PRDM8: variants seen among roughly 807,000 people sequenced by gnomAD.
PRDM8 encodes the protein PR/SET domain 8, also known as PR domain zinc finger protein 8.
PRDM8 carries 13 observed loss-of-function variants against 46.5 expected under a neutral mutation model. The observed-to-expected ratio is 0.28, with a 90% CI of 0.18 to 0.44. The LOEUF (loss-of-function observed/expected upper bound fraction) is 0.44, where lower values mean the gene tolerates loss of function less well. Ranked by LOEUF, PRDM8 falls within the 20% of genes least tolerant of loss-of-function variation. The pLI, the probability that PRDM8 is intolerant of heterozygous loss-of-function variation, is 1.00. For missense variants in PRDM8, 998 were observed against 955.0 expected, an observed-to-expected ratio of 1.04 and a Z score of -0.59; for synonymous variants, 473 against 438.4, an observed-to-expected ratio of 1.08 and a Z score of -0.98.
At chr4:80,199,718 T>TGTGTGC (rs1268820649) in intron 1 of PRDM8, among the ~76,000 whole-genome samples, 3 of 136,076 alleles carry the variant, frequency 2.2e-5, no homozygotes, top group African/African-American at 8.4e-5. Context: ...TATGTGTGTG[T>TGTGTGC]GTGTGTGTGT....
chr4:80,202,836 C>T lies in PRDM8; in HGVS notation c.1374C>T (p.Ser458=). Reference sequence around the variant, plus strand: ...AGGGCGGCAGTCCTGCGAGGGGCAGCGCCTTCACTTCGGTGCCGCAGCTGG... The same window carrying T: ...AGGGCGGCAGTCCTGCGAGGGGCAGTGCCTTCACTTCGGTGCCGCAGCTGG... ...RLEGGSPARG[S]AFTSVPQLGS... Residue 458 remains serine, a synonymous_variant, in exon 4 of 4, where the codon AGC becomes AGT. Transcript: ENST00000415738. 1 of 1,229,368 alleles carries T rather than the reference C, an allele frequency of 8.1e-7. No homozygotes were observed. The highest frequency in any genetic ancestry group is 1.0e-6 in the Non-Finnish European group (1 of 989,990). 76.2% of individuals were successfully genotyped at this position (1,229,368 alleles called of 1,614,324 possible).
chr4:80,187,233 A>T (rs927927733), intron 1 of PRDM8, among the ~76,000 whole-genome samples: 1 of 112,740 alleles, frequency 8.9e-6, no homozygotes, highest in African/African-American at 4.2e-5. Context: ...CTGTATCAGC[A>T]TTCTCTGCCC....
In PRDM8 at chr4:80,197,725, T is replaced by C; in HGVS notation, c.-41T>C. 1.0e-6 allele frequency: 1 copy of C among 982,664 alleles called. No individual in the cohort carries two copies. The highest frequency in any genetic ancestry group is 1.1e-4 in the East Asian group (1 of 8,806). The allele number at this position is 982,664 out of a possible 1,614,324, so 60.9% of individuals were successfully genotyped here. A position where few individuals can be genotyped will look rare whatever the true frequency, so the allele number is the denominator to read the frequency against. On this transcript the variant is annotated 5_prime_UTR_variant, in exon 1 of 4. Transcript: ENST00000415738. ...TCGATTGCATCTTCCCGGTTCCAGGTGGCCTTATTTGGGAGATTCTATACT... is the reference window on the plus strand; with the variant it reads ...TCGATTGCATCTTCCCGGTTCCAGGCGGCCTTATTTGGGAGATTCTATACT...
intron 2 of PRDM8, 41 bp from the exon 3 acceptor site, chr4:80,201,249 C>T (rs1424397458): frequency 6.4e-7 from 1 of 1,564,110 alleles, no homozygotes; most frequent in Non-Finnish European, 8.8e-7. Context: ...GTCCCTCTCC[C>T]CCTCTCCTTC....
Position 80,203,202 on chromosome 4 carries a change from C to A in PRDM8, c.1740C>A (p.Ala580=), listed in dbSNP as rs945031664. ...AGAGCCCCTTCCTGTACGCCACCGC[C>A]TTCTGGCCCAAGAGCTCCGCTGCCG... ...PKQSPFLYAT[A]FWPKSSAAAA... is the part of the protein sequence containing the mutation. Residue 580 remains alanine (A), a synonymous_variant, in exon 4 of 4, where the codon GCC becomes GCA. Coordinates refer to ENST00000415738, the MANE Select transcript of PRDM8 (RefSeq NM_001099403.2). 2 of 1,551,904 alleles carry A rather than the reference C, an allele frequency of 1.3e-6. No individual in the cohort carries two copies. The highest frequency in any genetic ancestry group is 1.7e-6 in the Non-Finnish European group (2 of 1,150,964).
chr4:80,199,884 T>G (rs1245350285), intron 1 of PRDM8, among the ~76,000 whole-genome samples, 195 bp from the exon 2 acceptor site: 1 of 152,142 alleles, frequency 6.6e-6, no homozygotes, highest in Non-Finnish European at 1.5e-5. Flanking sequence ...CTATTCTAAT[T>G]ATTTTAACAA....
chr4:80,196,618 T>C (rs1454330986), upstream of PRDM8: 1 of 985,114 alleles, frequency 1.0e-6, no homozygotes, highest in East Asian at 1.1e-4. Flanking sequence ...ATTTTTATTT[T>C]TAATCACCCT....
At position 80,201,945 on chromosome 4, in the gene PRDM8, C is replaced by A; in HGVS notation, c.483C>A (p.Ser161Arg). ...GSSPYTCLEC[S>R]QRFQFEFPYV... ...CCCCTTACACATGCCTGGAATGCAG[C>A]CAACGTTTCCAGTTTGAGTTCCCCT... The change falls in exon 4 of 4, where the codon AGC becomes AGA. Residue 161 changes from serine to arginine, a missense_variant. Transcript: ENST00000415738. 1 of 1,614,000 alleles carries A rather than the reference C, an allele frequency of 6.2e-7. No homozygotes were observed. Among genetic ancestry groups the A allele is most frequent in the Non-Finnish European group, 8.5e-7 (1 of 1,180,002 alleles).
At chr4:80,197,126 A>G, upstream of PRDM8, 1 of 985,398 alleles carries the variant, frequency 1.0e-6, no homozygotes, top group Non-Finnish European at 1.2e-6. Flanking sequence ...GGAAATACGC[A>G]CGGGGTCCGC....
intron 1 of PRDM8, among the ~76,000 whole-genome samples, chr4:80,198,236 C>T (rs1014386726): frequency 2.0e-5 from 3 of 152,212 alleles, no homozygotes; most frequent in Non-Finnish European, 2.9e-5. Context: ...ATTAGCGCGG[C>T]GTAGTGAGGA....
At chr4:80,192,875 A>T (rs190932720), upstream of PRDM8, among the ~76,000 whole-genome samples, 1 of 152,312 alleles carries the variant, frequency 6.6e-6, no homozygotes, top group Non-Finnish European at 1.5e-5. Context: ...CTCAGAGGCC[A>T]TTAAGCCAGT....
At position 80,198,980 on chromosome 4, in the gene PRDM8, GTTTTTTTTTTTTTGTTTTT is replaced by G. The variant is rs1191419324; in HGVS notation, c.-2-1085_-2-1067del. Among the ~76,000 whole-genome samples the G allele has an allele frequency of 7.7e-5, 8 of 104,226 alleles. No homozygotes were observed. The East Asian group carries it at 1.4e-3, about 18-fold the overall frequency. 68.4% of individuals were successfully genotyped at this position (104,226 alleles called of 152,430 possible). ...AATTTAAATACCTGGGTTTTTTTGG[GTTTTTTTTTTTTTGTTTTT>G]TTTTTTTTTTTTTTTTTTTAGTGAT... is the stretch of plus-strand genomic sequence containing the variant. On this transcript the variant is annotated intron_variant, in intron 1 of 3. Coordinates refer to ENST00000415738, the MANE Select transcript of PRDM8 (RefSeq NM_001099403.2).
intron 1 of PRDM8, among the ~76,000 whole-genome samples, chr4:80,190,326 C>G (rs1220384935): frequency 6.6e-6 from 1 of 152,214 alleles, no homozygotes; most frequent in African/African-American, 2.4e-5. Flanking sequence ...GTGGCGGGCC[C>G]TTGGGAACTG....
upstream of PRDM8, chr4:80,196,256 G>A (rs1009938561): frequency 2.1e-6 from 2 of 956,330 alleles, no homozygotes; most frequent in Middle Eastern, 5.4e-4. Flanking sequence ...TTATCCTAAT[G>A]CTGACAGATT....
rs1578265721 is a variant in PRDM8, at chr4:80,202,854, G to T, written c.1392G>T (p.Pro464=). 13 of 1,233,186 alleles carry T rather than the reference G, an allele frequency of 1.1e-5. No homozygotes were observed. In the East Asian group the frequency reaches 4.4e-4, roughly 42 times the overall value. 76.4% of individuals were successfully genotyped at this position (1,233,186 alleles called of 1,614,324 possible). ...GGGGCAGCGCCTTCACTTCGGTGCCGCAGCTGGGCAGCGCGGGCAGCACCA... is the reference window on the plus strand; with the variant it reads ...GGGGCAGCGCCTTCACTTCGGTGCCTCAGCTGGGCAGCGCGGGCAGCACCA... ...PARGSAFTSV[P]QLGSAGSTSG... is the part of the protein sequence containing the mutation. Residue 464 remains proline (P), a synonymous_variant, in exon 4 of 4, where the codon CCG becomes CCT. Transcript: ENST00000415738.
At chr4:80,197,298 G>C (rs1234584233), upstream of PRDM8, 1 of 973,652 alleles carries the variant, frequency 1.0e-6, no homozygotes, top group Non-Finnish European at 1.2e-6. Context: ...GGCGGGCCGG[G>C]ACGCTCTCTG....
upstream of PRDM8, chr4:80,197,349 G>A (rs1418191649): frequency 5.2e-6 from 5 of 962,146 alleles, no homozygotes; most frequent in Non-Finnish European, 6.2e-6. Context: ...GGATCTGCGG[G>A]GCGCGGGCAG....
At chr4:80,192,242 T>A (rs1737604381) in intron 2 of PRDM8, among the ~76,000 whole-genome samples, 1 of 152,210 alleles carries the variant, frequency 6.6e-6, no homozygotes, top group Non-Finnish European at 1.5e-5. Context: ...TCAAGGAGTG[T>A]AGTCTGCCCA....
intron 3 of PRDM8, 79 bp downstream of exon 3, chr4:80,201,600 G>A: frequency 2.2e-6 from 3 of 1,393,346 alleles, no homozygotes; most frequent in Middle Eastern, 2.3e-4. Flanking sequence ...CTCACCCGGC[G>A]CGTTGGCGCG....
Sources: gnomAD v4.1 joint callset for allele counts (sites outside exome capture counted in the v4.1 genomes callset) on GRCh38, gnomAD v4.1.1 for gene constraint, MANE v1.5 for transcripts, NCBI Gene and HGNC (gene_info 2026-07-23, HGNC 2026-07-21) for gene names.